AGBL4: variants seen among roughly 807,000 people sequenced by gnomAD.
AGBL4 encodes AGBL carboxypeptidase 4.
A neutral mutation model predicts 66.4 loss-of-function variants in AGBL4; 58 were observed. The observed-to-expected ratio is 0.87, with a 90% CI of 0.71 to 1.09. The LOEUF (loss-of-function observed/expected upper bound fraction) is 1.09, where lower values mean the gene tolerates loss of function less well. Ranked by LOEUF, AGBL4 falls within the 50% of genes least tolerant of loss-of-function variation. AGBL4 has a pLI of 0.00. For synonymous variants in AGBL4, 234 were observed against 222.9 expected (o/e 1.05, Z -0.44); for missense variants, 579 against 631.0 (o/e 0.92, Z 0.88).
chr1:48,811,294 G>A (rs1375253179), intron 6 of AGBL4, among the ~76,000 whole-genome samples: 2 of 152,090 alleles, frequency 1.3e-5, no homozygotes, highest in South Asian at 2.1e-4. Context: ...ATTCAACATT[G>A]GTACATAGTT....
intron 4 of AGBL4, among the ~76,000 whole-genome samples, chr1:49,071,171 T>C (rs904071891): frequency 3.3e-5 from 5 of 151,940 alleles, no homozygotes; most frequent in African/African-American, 9.7e-5. Flanking sequence ...CCTATCTATT[T>C]TGTTTATCTT....
intron 6 of AGBL4, among the ~76,000 whole-genome samples, chr1:48,682,952 G>C (rs187979306): frequency 6.6e-6 from 1 of 152,178 alleles, no homozygotes; most frequent in East Asian, 1.9e-4. Context: ...TTATGGATGA[G>C]AGAAACCATG....
At chr1:49,031,873 G>A (rs902625626) in intron 5 of AGBL4, among the ~76,000 whole-genome samples, 1 of 152,110 alleles carries the variant, frequency 6.6e-6, no homozygotes, top group African/African-American at 2.4e-5. Context: ...TGAATGAGTA[G>A]TCAGAAGAGT....
At chr1:49,285,523 C>T (rs1243355565) in intron 3 of AGBL4, among the ~76,000 whole-genome samples, 18 of 151,072 alleles carry the variant, frequency 1.2e-4, no homozygotes, top group Admixed American at 2.6e-4. Context: ...CTAAAATCAG[C>T]GTAGAACAGA....
intron 3 of AGBL4, among the ~76,000 whole-genome samples, chr1:49,521,313 A>C (rs979006221): frequency 6.6e-6 from 1 of 152,116 alleles, no homozygotes; most frequent in Non-Finnish European, 1.5e-5. Context: ...AGCAATCCTA[A>C]GTAAAAAGAA....
intron 5 of AGBL4, among the ~76,000 whole-genome samples, chr1:49,001,099 A>G (rs1322804432): frequency 1.3e-5 from 2 of 152,168 alleles, no homozygotes; most frequent in Non-Finnish European, 2.9e-5. Flanking sequence ...TAGGGATATT[A>G]CTTTCTCTTT....
intron 3 of AGBL4, among the ~76,000 whole-genome samples, chr1:49,355,900 T>C (rs1171399051): frequency 6.6e-6 from 1 of 152,114 alleles, no homozygotes; most frequent in Non-Finnish European, 1.5e-5. Context: ...TAGTGATGAA[T>C]TCGCCTTCCC....
At chr1:49,677,099 C>G (rs1251962608) in intron 3 of AGBL4, among the ~76,000 whole-genome samples, 1 of 151,982 alleles carries the variant, frequency 6.6e-6, no homozygotes, top group Non-Finnish European at 1.5e-5. Context: ...TACCTGGCAC[C>G]TCCCAAAAGA....
At chr1:49,815,456 A>G (rs1223326035) in intron 2 of AGBL4, among the ~76,000 whole-genome samples, 1 of 152,150 alleles carries the variant, frequency 6.6e-6, no homozygotes, top group Admixed American at 6.6e-5. Context: ...CTTGGCTATT[A>G]TGAACAGTGC....
intron 2 of AGBL4, among the ~76,000 whole-genome samples, chr1:49,776,764 TATC>T (rs1034985130): frequency 6.6e-6 from 1 of 152,136 alleles, no homozygotes; most frequent in African/African-American, 2.4e-5. Context: ...ATAGCACTTT[TATC>T]ATGATTTTGT....
At chr1:49,652,258 A>T (rs1646022810) in intron 3 of AGBL4, among the ~76,000 whole-genome samples, 1 of 152,206 alleles carries the variant, frequency 6.6e-6, no homozygotes, top group African/African-American at 2.4e-5. Context: ...AAAAGAGTAG[A>T]CAACTTGGCA....
chr1:49,630,879 G>A (rs999488517), intron 3 of AGBL4, among the ~76,000 whole-genome samples: 7 of 152,120 alleles, frequency 4.6e-5, no homozygotes, highest in African/African-American at 1.2e-4. Flanking sequence ...TATTTTAATC[G>A]TTAAATAGCT....
At chr1:48,993,643 G>T (rs1453213934) in intron 5 of AGBL4, among the ~76,000 whole-genome samples, 2 of 152,186 alleles carry the variant, frequency 1.3e-5, no homozygotes, top group Non-Finnish European at 2.9e-5. Flanking sequence ...TTAACTCATG[G>T]TGGAGAGGCT....
chr1:49,464,988 CAAAT>C (rs993781658), intron 3 of AGBL4, among the ~76,000 whole-genome samples: 12 of 151,632 alleles, frequency 7.9e-5, no homozygotes, highest in Admixed American at 5.3e-4. Flanking sequence ...AATGAACAAA[CAAAT>C]GAATGAATAA....
chr1:48,910,428 A>T (rs1652988260), intron 5 of AGBL4, among the ~76,000 whole-genome samples: 1 of 152,196 alleles, frequency 6.6e-6, no homozygotes, highest in Non-Finnish European at 1.5e-5. Context: ...GGTGTGGTAG[A>T]TTCACTAACA....
At chr1:48,752,285 G>C (rs539038423) in intron 6 of AGBL4, among the ~76,000 whole-genome samples, 4 of 152,100 alleles carry the variant, frequency 2.6e-5, no homozygotes, top group African/African-American at 9.7e-5. Context: ...AGATAAACAG[G>C]CCCCAAGAAG....
At chr1:48,590,261 G>C (rs11205513) in intron 10 of AGBL4, among the ~76,000 whole-genome samples, 83,160 of 151,722 alleles carry the variant, frequency 0.55, 23,233 homozygotes, top group African/African-American at 0.64. Flanking sequence ...AAAAAATTAG[G>C]CGGGTGTGGT....
chr1:48,572,924 G>C (rs959981664), intron 11 of AGBL4, among the ~76,000 whole-genome samples: 8 of 152,228 alleles, frequency 5.3e-5, no homozygotes, highest in African/African-American at 1.9e-4. Flanking sequence ...GAGCTGGAGA[G>C]AGTCCAGACT....
chr1:49,615,795 C>G (rs187701744), intron 3 of AGBL4, among the ~76,000 whole-genome samples: 16 of 152,192 alleles, frequency 1.1e-4, no homozygotes, highest in Non-Finnish European at 2.9e-5. Flanking sequence ...TCAATAAATC[C>G]TCTTAATACT....
Sources: gnomAD v4.1 joint callset for allele counts (sites outside exome capture counted in the v4.1 genomes callset) on GRCh38, gnomAD v4.1.1 for gene constraint, MANE v1.5 for transcripts, NCBI Gene and HGNC (gene_info 2026-07-23, HGNC 2026-07-21) for gene names.